KCNIP4: variants seen among roughly 807,000 people sequenced by gnomAD.
KCNIP4 encodes the protein Kv channel-interacting protein 4.
Under a neutral mutation model 34.0 loss-of-function variants are expected in KCNIP4, and 12 were observed. The ratio of observed to expected loss-of-function variants is 0.35; its 90% CI spans 0.23 to 0.57. KCNIP4 has a LOEUF of 0.57. Among genes scored for constraint, KCNIP4 ranks in the 20% least tolerant of loss-of-function variants. The pLI, the probability that KCNIP4 is intolerant of heterozygous loss-of-function variation, is 0.83. For missense variants in KCNIP4, 238 were observed against 311.7 expected, an observed-to-expected ratio of 0.76 and a Z score of 1.78; for synonymous variants, 124 against 102.2, an observed-to-expected ratio of 1.21 and a Z score of -1.29.
chr4:21,391,857 T>C (rs990043801), intron 1 of KCNIP4, among the ~76,000 whole-genome samples: 7 of 152,164 alleles, frequency 4.6e-5, no homozygotes, highest in Admixed American at 2.0e-4. Context: ...GTAAGTGTGA[T>C]GTTCCTGATG....
chr4:21,000,791 C>G (rs1019458184), intron 1 of KCNIP4, among the ~76,000 whole-genome samples: 2 of 152,178 alleles, frequency 1.3e-5, no homozygotes, highest in African/African-American at 4.8e-5. Flanking sequence ...CTCACTCCAG[C>G]TACAGCGGTC....
At chr4:21,900,861 C>T (rs1351379287) in intron 1 of KCNIP4, among the ~76,000 whole-genome samples, 1 of 152,130 alleles carries the variant, frequency 6.6e-6, no homozygotes, top group Non-Finnish European at 1.5e-5. Context: ...GCATAAATGT[C>T]ACTTTAATGA....
chr4:21,174,938 T>A (rs1309152256), intron 1 of KCNIP4, among the ~76,000 whole-genome samples: 1 of 151,724 alleles, frequency 6.6e-6, no homozygotes, highest in Admixed American at 6.6e-5. Flanking sequence ...ATTAGTAATA[T>A]GTTAACTCAT....
chr4:21,018,522 T>C (rs1208680428), intron 1 of KCNIP4, among the ~76,000 whole-genome samples: 4 of 152,130 alleles, frequency 2.6e-5, no homozygotes, highest in East Asian at 3.9e-4. Flanking sequence ...GAGGATGCGA[T>C]GGAAGGCTTC....
chr4:20,728,779 A>G lies in KCNIP4; in HGVS notation c.*1303T>C, dbSNP rs187473621. On this transcript the variant is annotated 3_prime_UTR_variant, in exon 9 of 9. Transcript: ENST00000382152. ...TTTCAACATCCTATCTCTACACCAG[A>G]ATAGATACCTGATTTATTGTTGCAA... 164 of 152,720 alleles carry G rather than the reference A, an allele frequency of 1.1e-3. No homozygotes were observed. Among genetic ancestry groups the G allele is most frequent in the Non-Finnish European group, 1.9e-3 (132 of 68,028 alleles). The allele number at this position is 152,720 out of a possible 1,614,324, so 9.5% of individuals were successfully genotyped here.
At position 21,052,259 on chromosome 4, in the gene KCNIP4, A is replaced by T. The variant is rs193170105; in HGVS notation, c.62-169550T>A. Among the ~76,000 whole-genome samples the T allele has an allele frequency of 7.9e-5, 12 of 152,262 alleles. No individual in the cohort carries two copies. In the East Asian group the frequency reaches 2.1e-3, roughly 27 times the overall value. ...AAGAATTCCAAACTCCTTGAGCTTA[A>T]TCTTATATCTTCTTTTAATATCCCT... On this transcript the variant is annotated intron_variant, in intron 1 of 8. Coordinates refer to ENST00000382152, the MANE Select transcript of KCNIP4 (RefSeq NM_025221.6).
chr4:21,246,973 TATTA>T (rs1327696623), intron 1 of KCNIP4, among the ~76,000 whole-genome samples: 7 of 152,186 alleles, frequency 4.6e-5, no homozygotes, highest in African/African-American at 1.7e-4. Flanking sequence ...CTACATTATT[TATTA>T]ATTAGTTCTT....
rs1265697616 is a variant in KCNIP4 at position 20,882,881 on chromosome 4, CTTAT to C, written c.62-176_62-173del. 1.1e-4 allele frequency among the ~76,000 whole-genome samples: 17 copies of C among 151,716 alleles called. No homozygotes were observed. The South Asian group carries it at 2.1e-3, about 19-fold the overall frequency. On this transcript the variant is annotated intron_variant, in intron 1 of 8. Coordinates refer to ENST00000382152, the MANE Select transcript of KCNIP4 (RefSeq NM_025221.6). ...AAGGAAAAAAAAAGTTTGTTTTCTT[CTTAT>C]TTAGTTTTGTTTTTATTTCTAAATG...
At position 21,106,175 on chromosome 4, in the gene KCNIP4, C is replaced by T. The variant is rs1217333969; in HGVS notation, c.62-223466G>A. ...GGAATAGTTTCAGAAGGAATGGTAC[C>T]AGTTCCTCCTTGTGCCTCTGGTAGA... On this transcript the variant is annotated intron_variant, in intron 1 of 8. Coordinates refer to ENST00000382152, the MANE Select transcript of KCNIP4 (RefSeq NM_025221.6). Among the ~76,000 whole-genome samples the T allele has an allele frequency of 2.0e-5, 3 of 151,508 alleles. No individual in the cohort carries two copies. In the East Asian group the frequency reaches 5.8e-4, roughly 29 times the overall value.
chr4:21,050,147 T>C (rs933957974), intron 1 of KCNIP4, among the ~76,000 whole-genome samples: 4 of 152,230 alleles, frequency 2.6e-5, no homozygotes, highest in African/African-American at 7.2e-5. Context: ...GAAAATATAA[T>C]TGGCAATGTC....
intron 1 of KCNIP4, among the ~76,000 whole-genome samples, chr4:21,145,122 C>T (rs1323283128): frequency 2.6e-5 from 4 of 152,122 alleles, no homozygotes; most frequent in African/African-American, 4.8e-5. Flanking sequence ...TTTTTACATA[C>T]AGGTGATTCC....
At chr4:21,507,873 G>A (rs1733978443) in intron 1 of KCNIP4, among the ~76,000 whole-genome samples, 1 of 152,152 alleles carries the variant, frequency 6.6e-6, no homozygotes, top group African/African-American at 2.4e-5. Flanking sequence ...CAGTTTATGT[G>A]CAAGACCATG....
intron 2 of KCNIP4, among the ~76,000 whole-genome samples, chr4:20,862,104 C>T (rs2149495977): frequency 6.6e-6 from 1 of 151,958 alleles, no homozygotes; most frequent in East Asian, 1.9e-4. Context: ...AATTCTTCTG[C>T]CTCAGCCTCC....
chr4:20,923,338 G>A (rs541253539), intron 1 of KCNIP4, among the ~76,000 whole-genome samples: 1 of 152,228 alleles, frequency 6.6e-6, no homozygotes, highest in Admixed American at 6.5e-5. Flanking sequence ...CTCAATTATT[G>A]TGTCAGCTTA....
chr4:21,667,845 G>A (rs993295435), intron 1 of KCNIP4, among the ~76,000 whole-genome samples: 1 of 152,216 alleles, frequency 6.6e-6, no homozygotes, highest in African/African-American at 2.4e-5. Flanking sequence ...TCTACGGTGG[G>A]ACAGGCGGTG....
At chr4:21,251,031 G>C (rs1465705290) in intron 1 of KCNIP4, among the ~76,000 whole-genome samples, 1 of 151,844 alleles carries the variant, frequency 6.6e-6, no homozygotes, top group Admixed American at 6.6e-5. Flanking sequence ...ATACAGAACT[G>C]TTCATGACAG....
chr4:21,419,258 C>A (rs73249577), intron 1 of KCNIP4, among the ~76,000 whole-genome samples: 16,122 of 152,192 alleles, frequency 0.11, 886 homozygotes, highest in Middle Eastern at 0.16. Flanking sequence ...AAAATAATGA[C>A]CTATGTGTTA....
At chr4:20,778,590 T>C (rs1756581942) in intron 3 of KCNIP4, among the ~76,000 whole-genome samples, 2 of 152,216 alleles carry the variant, frequency 1.3e-5, no homozygotes, top group Admixed American at 6.5e-5. Flanking sequence ...GGGGAAATGG[T>C]ACCTGGTGAC....
chr4:21,306,983 C>A (rs1233692025), intron 1 of KCNIP4, among the ~76,000 whole-genome samples: 1 of 152,022 alleles, frequency 6.6e-6, no homozygotes, highest in African/African-American at 2.4e-5. Flanking sequence ...CCACCACACC[C>A]AGCTAATTTT....
Sources: allele counts gnomAD v4.1 joint callset (sites outside exome capture counted in the v4.1 genomes callset), GRCh38; gene constraint gnomAD v4.1.1; transcripts MANE v1.5; gene names NCBI Gene and HGNC (gene_info 2026-07-23, HGNC 2026-07-21).